GPBP1L1: variants seen among roughly 807,000 people sequenced by gnomAD.
The protein encoded by GPBP1L1 is GC-rich promoter binding protein 1 like 1.
A neutral mutation model predicts 52.5 loss-of-function variants in GPBP1L1; 23 were observed. That is an observed-to-expected ratio of 0.44 (90% CI 0.32 to 0.62). The LOEUF is 0.62. Ranked by LOEUF, GPBP1L1 falls within the 20% of genes least tolerant of loss-of-function variation. GPBP1L1 has a pLI of 0.06. For synonymous variants in GPBP1L1, 243 were observed against 203.1 expected, an observed-to-expected ratio of 1.20 and a Z score of -1.67; for missense variants, 596 against 579.3, an observed-to-expected ratio of 1.03 and a Z score of -0.30.
rs1056374460 is a variant in GPBP1L1 at position 45,627,427 on chromosome 1, T to A, written c.*829A>T. 3 of 152,456 alleles carry A rather than the reference T, an allele frequency of 2.0e-5. No individual in the cohort carries two copies. Among genetic ancestry groups the A allele is most frequent in the African/African-American group, 7.2e-5 (3 of 41,382 alleles). 9.4% of individuals were successfully genotyped at this position (152,456 alleles called of 1,614,324 possible). A position where few individuals can be genotyped will look rare whatever the true frequency, so the allele number is the denominator to read the frequency against. ...TTTCCCCCCAACTTCTAAAAATATT[T>A]CCCCTAAAAAAGAATCCACTCATCT... On this transcript the variant is annotated 3_prime_UTR_variant, in exon 13 of 13. Coordinates refer to ENST00000355105, the MANE Select transcript of GPBP1L1 (RefSeq NM_021639.5).
intron 2 of GPBP1L1, among the ~76,000 whole-genome samples, chr1:45,677,768 T>C (rs187924678): frequency 6.6e-6 from 1 of 152,346 alleles, no homozygotes; most frequent in African/African-American, 2.4e-5. Flanking sequence ...TATTCACTAA[T>C]TCATACTCTT....
intron 2 of GPBP1L1, among the ~76,000 whole-genome samples, chr1:45,662,775 G>C (rs1644961549): frequency 6.6e-6 from 1 of 152,074 alleles, no homozygotes. Flanking sequence ...TATTAGGCCG[G>C]GTGCGGTGGC....
intron 2 of GPBP1L1, among the ~76,000 whole-genome samples, chr1:45,667,092 A>G (rs1297603180): frequency 6.6e-6 from 1 of 152,208 alleles, no homozygotes; most frequent in East Asian, 1.9e-4. Flanking sequence ...TTGGGGTAAG[A>G]AAAGGTTCTG....
At chr1:45,672,351 A>T (rs2148505417) in intron 2 of GPBP1L1, among the ~76,000 whole-genome samples, 2 of 152,208 alleles carry the variant, frequency 1.3e-5, no homozygotes, top group East Asian at 3.9e-4. Context: ...GACAAAAAAA[A>T]AAAAAAAAGG....
chr1:45,629,011 C>T (rs1015061126), intron 12 of GPBP1L1, among the ~76,000 whole-genome samples: 4 of 152,208 alleles, frequency 2.6e-5, no homozygotes, highest in Admixed American at 2.6e-4. Flanking sequence ...CTCACATCAG[C>T]TTGTGCCATG....
intron 2 of GPBP1L1, among the ~76,000 whole-genome samples, chr1:45,671,824 C>CTAA (rs1321123111): frequency 6.7e-6 from 1 of 150,320 alleles, no homozygotes; most frequent in African/African-American, 2.5e-5. Context: ...GACTCTGTCT[C>CTAA]TAATAATAAT....
At chr1:45,666,398 G>A (rs1257844390) in intron 2 of GPBP1L1, among the ~76,000 whole-genome samples, 5 of 152,024 alleles carry the variant, frequency 3.3e-5, no homozygotes, top group South Asian at 2.1e-4. Context: ...CGCCCGCCTC[G>A]GCCTCCCAAA....
chr1:45,681,414 A>T (rs552562895), intron 2 of GPBP1L1, among the ~76,000 whole-genome samples: 1 of 152,346 alleles, frequency 6.6e-6, no homozygotes, highest in East Asian at 1.9e-4. Flanking sequence ...ACAAAGTACA[A>T]GGAAAAAAAC....
intron 2 of GPBP1L1, among the ~76,000 whole-genome samples, chr1:45,667,489 G>A (rs1645024795): frequency 6.6e-6 from 1 of 152,072 alleles, no homozygotes; most frequent in Non-Finnish European, 1.5e-5. Context: ...ACTGCTAGGA[G>A]AGCACCTCCC....
At position 45,642,432 on chromosome 1, in the gene GPBP1L1, A is replaced by G; in HGVS notation, c.545T>C (p.Val182Ala). Residue 182 changes from valine (V) to alanine (A), a missense_variant, in exon 7 of 13, where the codon GTA becomes GCA. Coordinates refer to ENST00000355105, the MANE Select transcript of GPBP1L1 (RefSeq NM_021639.5). ...PCRPIGTPSGVWENPPSAKQP... is the reference protein window; with the variant it reads ...PCRPIGTPSGAWENPPSAKQP... ...AAATGGCAAAATCTACCTACCCCAT[A>G]CTCCAGAAGGTGTCCCAATAGGTCT... is the stretch of plus-strand genomic sequence containing the variant. The G allele has an allele frequency of 6.2e-7, 1 of 1,612,376 alleles. No individual in the cohort carries two copies. Among genetic ancestry groups the G allele is most frequent in the Non-Finnish European group, 8.5e-7 (1 of 1,178,784 alleles).
chr1:45,672,307 A>G (rs1479292969), intron 2 of GPBP1L1, among the ~76,000 whole-genome samples: 2 of 151,048 alleles, frequency 1.3e-5, no homozygotes, highest in African/African-American at 2.4e-5. Context: ...GGTTGCAGTG[A>G]GCTGAGATTG....
intron 2 of GPBP1L1, among the ~76,000 whole-genome samples, chr1:45,672,012 A>T (rs970662093): frequency 3.9e-5 from 6 of 152,160 alleles, no homozygotes; most frequent in African/African-American, 1.2e-4. Context: ...CTTCTTTAAC[A>T]TCATCAAATA....
In GPBP1L1 at chr1:45,629,454, T is replaced by TTCCCCCCC. The variant is rs758811981; in HGVS notation, c.1272+121_1272+122insGGGGGGGA. On this transcript the variant is annotated intron_variant, in intron 12 of 12. Coordinates refer to ENST00000355105, the MANE Select transcript of GPBP1L1 (RefSeq NM_021639.5). Reference sequence around the variant, plus strand: ...CCCCACTACATTTCTACTAAGGTAATCCCCCCCCCCCCCACCCGATCTTTC... The same window carrying TTCCCCCCC: ...CCCCACTACATTTCTACTAAGGTAATTCCCCCCCCCCCCCCCCCCCCACCCGATCTTTC... The TTCCCCCCC allele has an allele frequency of 1.6e-4, 19 of 117,616 alleles. 4 individuals carry two copies. Among genetic ancestry groups the TTCCCCCCC allele is most frequent in the South Asian group, 3.8e-4 (4 of 10,420 alleles). 7.3% of individuals were successfully genotyped at this position (117,616 alleles called of 1,614,324 possible).
intron 10 of GPBP1L1, among the ~76,000 whole-genome samples, chr1:45,632,656 C>T (rs1458604699): frequency 6.6e-6 from 1 of 152,154 alleles, no homozygotes; most frequent in Non-Finnish European, 1.5e-5. Flanking sequence ...GCGGAGGTTG[C>T]AATGAGCCCA....
chr1:45,649,111 T>C (rs1159212613), intron 6 of GPBP1L1, among the ~76,000 whole-genome samples: 2 of 152,236 alleles, frequency 1.3e-5, no homozygotes, highest in African/African-American at 2.4e-5. Context: ...ACTTGTGGCA[T>C]GACATCCACA....
intron 2 of GPBP1L1, among the ~76,000 whole-genome samples, chr1:45,669,395 T>G (rs1645047962): frequency 6.6e-6 from 1 of 152,208 alleles, no homozygotes; most frequent in African/African-American, 2.4e-5. Flanking sequence ...AAGGGGCCCT[T>G]CTGCCTCAGC....
At chr1:45,672,569 G>C (rs188501750) in intron 2 of GPBP1L1, among the ~76,000 whole-genome samples, 136 of 152,220 alleles carry the variant, frequency 8.9e-4, no homozygotes, top group Non-Finnish European at 1.9e-4. Flanking sequence ...ACCAGACATC[G>C]AAGTGGAGAT....
intron 2 of GPBP1L1, among the ~76,000 whole-genome samples, chr1:45,677,578 AAT>A (rs1430130516): frequency 1.3e-5 from 2 of 151,450 alleles, no homozygotes; most frequent in African/African-American, 4.9e-5. Context: ...TATGGAGTCT[AAT>A]AAACAAAATC....
chr1:45,663,691 G>C (rs1410718866), intron 2 of GPBP1L1, among the ~76,000 whole-genome samples: 1 of 152,170 alleles, frequency 6.6e-6, no homozygotes, highest in East Asian at 1.9e-4. Context: ...TTCTGTTCTG[G>C]AAGTAAAAGA....
Sources: gnomAD v4.1 joint callset for allele counts (sites outside exome capture counted in the v4.1 genomes callset) on GRCh38, gnomAD v4.1.1 for gene constraint, MANE v1.5 for transcripts, NCBI Gene and HGNC (gene_info 2026-07-23, HGNC 2026-07-21) for gene names.